The following PRRC2B variants were observed in gnomAD, a reference collection of about 807,000 sequenced individuals.
PRRC2B encodes proline rich coiled-coil 2B.
In PRRC2B, 68 loss-of-function variants were observed where a neutral mutation model predicts 242.3. The ratio of observed to expected loss-of-function variants is 0.28; its 90% CI spans 0.23 to 0.34. The LOEUF (loss-of-function observed/expected upper bound fraction) is 0.34. PRRC2B is among the 10% of genes least tolerant of loss of function. PRRC2B has a pLI of 1.00. For synonymous variants in PRRC2B, 1,228 were observed against 1,173.6 expected, an observed-to-expected ratio of 1.05 and a Z score of -0.95; for missense variants, 2,835 against 2,954.8, an observed-to-expected ratio of 0.96 and a Z score of 0.94.
In PRRC2B at chr9:131,446,087, A is replaced by C. The variant is rs774516552; in HGVS notation, c.614-314A>C. ...GGAATGACCCAAGGCTGGTTTCATC[A>C]GGGCCATCTTCATCTCTCTGGGTTG... On this transcript the variant is annotated intron_variant, in intron 6 of 31. Coordinates refer to ENST00000683519, the MANE Select transcript of PRRC2B (RefSeq NM_013318.4). This position sits in a 1 kb window ranked among gnomAD's most constrained non-coding sequence, Gnocchi z 4.1. 8.5e-5 allele frequency among the ~76,000 whole-genome samples: 13 copies of C among 152,200 alleles called. No homozygotes were observed. The highest frequency in any genetic ancestry group is 1.6e-4 in the Non-Finnish European group (11 of 68,014).
intron 1 of PRRC2B, among the ~76,000 whole-genome samples, chr9:131,409,640 T>C (rs932696685): frequency 6.6e-6 from 1 of 152,250 alleles, no homozygotes; most frequent in African/African-American, 2.4e-5. Flanking sequence ...GTGGCTCTTT[T>C]CCTGGTGCCA....
chr9:131,429,261 T>TTGAGTGAG (rs36119236), intron 1 of PRRC2B, among the ~76,000 whole-genome samples: 2,673 of 151,864 alleles, frequency 0.018, 33 homozygotes, highest in African/African-American at 0.019. Context: ...GCTTAGTATT[T>TTGAGTGAG]TGAGTGAGTG....
At chr9:131,400,502 G>C (rs1837200031) in intron 1 of PRRC2B, among the ~76,000 whole-genome samples, 1 of 152,000 alleles carries the variant, frequency 6.6e-6, no homozygotes, top group East Asian at 1.9e-4. Context: ...ATTTTTAGTA[G>C]AGACGGGGTT....
Position 131,485,985 on chromosome 9 carries a change from C to T in PRRC2B, c.5759-100C>T, listed in dbSNP as rs573868010. 1.1e-5 allele frequency: 9 copies of T among 847,322 alleles called. No homozygotes were observed. The South Asian group carries it at 1.3e-4, about 12-fold the overall frequency. 52.5% of individuals were successfully genotyped at this position (847,322 alleles called of 1,614,324 possible). A position where few individuals can be genotyped will look rare whatever the true frequency, so the allele number is the denominator to read the frequency against. On this transcript the variant is annotated intron_variant, in intron 25 of 31. Transcript: ENST00000683519. ...ACACACGCCCTCGTCCCCACTGAGTCCCCTGGGTAGAGCAGACCTGTAGAC... is the reference window on the plus strand; with the variant it reads ...ACACACGCCCTCGTCCCCACTGAGTTCCCTGGGTAGAGCAGACCTGTAGAC...
At chr9:131,422,202 G>A (rs928688425) in intron 1 of PRRC2B, among the ~76,000 whole-genome samples, 1 of 151,964 alleles carries the variant, frequency 6.6e-6, no homozygotes, top group South Asian at 2.1e-4. Context: ...TTACAGGCGC[G>A]CGCCACCATG....
At chr9:131,464,102 C>T (rs1943323453) in intron 11 of PRRC2B, among the ~76,000 whole-genome samples, 1 of 151,970 alleles carries the variant, frequency 6.6e-6, no homozygotes, top group African/African-American at 2.4e-5. Flanking sequence ...CCGCCATGCC[C>T]AGCTAATTTT....
At chr9:131,375,084 C>A (rs1272047604) in intron 1 of PRRC2B, among the ~76,000 whole-genome samples, 2 of 152,182 alleles carry the variant, frequency 1.3e-5, no homozygotes, top group Non-Finnish European at 2.9e-5. Context: ...CACATAACTT[C>A]TCTGTGCAAT....
chr9:131,471,699 T>G (rs1342160436), intron 14 of PRRC2B, among the ~76,000 whole-genome samples: 1 of 152,236 alleles, frequency 6.6e-6, no homozygotes, highest in Non-Finnish European at 1.5e-5. Flanking sequence ...AGGCTGAGTT[T>G]TGTTTAATGG....
chr9:131,490,176 C>T (rs979978186), intron 28 of PRRC2B, among the ~76,000 whole-genome samples: 1 of 151,850 alleles, frequency 6.6e-6, no homozygotes, highest in African/African-American at 2.4e-5. Flanking sequence ...CGATTTTCCT[C>T]CCGGTCCTTC....
At chr9:131,463,201 G>T (rs925654071) in intron 11 of PRRC2B, among the ~76,000 whole-genome samples, 2 of 152,156 alleles carry the variant, frequency 1.3e-5, no homozygotes, top group Non-Finnish European at 2.9e-5. Context: ...TATATAAAAT[G>T]TACCTTCATG....
At chr9:131,425,683 G>A (rs890025757) in intron 1 of PRRC2B, among the ~76,000 whole-genome samples, 5 of 150,652 alleles carry the variant, frequency 3.3e-5, no homozygotes, top group Admixed American at 6.6e-5. Context: ...TAGAGATGGG[G>A]TTTCACCGTG....
At chr9:131,462,067 T>C (rs1943256844) in intron 11 of PRRC2B, among the ~76,000 whole-genome samples, 1 of 152,160 alleles carries the variant, frequency 6.6e-6, no homozygotes, top group Non-Finnish European at 1.5e-5. Context: ...TTTTTCCTTT[T>C]CACCAGTCAA....
chr9:131,375,061 A>T (rs2131260063), intron 1 of PRRC2B, among the ~76,000 whole-genome samples: 1 of 152,276 alleles, frequency 6.6e-6, no homozygotes, highest in Admixed American at 6.5e-5. Context: ...ACATGTGCTG[A>T]GTGACTTCAA....
chr9:131,414,133 G>T (rs1452399022), intron 1 of PRRC2B, among the ~76,000 whole-genome samples: 1 of 152,084 alleles, frequency 6.6e-6, no homozygotes, highest in African/African-American at 2.4e-5. Flanking sequence ...CACATCAGTA[G>T]TCACTTAATT....
chr9:131,391,009 A>T (rs1156832256), upstream of PRRC2B, among the ~76,000 whole-genome samples: 1 of 147,974 alleles, frequency 6.8e-6, no homozygotes, highest in Admixed American at 6.7e-5. Flanking sequence ...CTGGTCTCGA[A>T]CGCCTGACCA....
Position 131,451,409 on chromosome 9 carries a change from G to T in PRRC2B, c.1120+3605G>T, listed in dbSNP as rs757492027. On this transcript the variant is annotated intron_variant, in intron 9 of 31. Coordinates refer to ENST00000683519, the MANE Select transcript of PRRC2B (RefSeq NM_013318.4). ...GCGAGACTCCATCTCAAAAAAAAAAGAAAATACAGTTGATTTTTTTGTGTT... is the reference window on the plus strand; with the variant it reads ...GCGAGACTCCATCTCAAAAAAAAAATAAAATACAGTTGATTTTTTTGTGTT... 8.9e-4 allele frequency among the ~76,000 whole-genome samples: 133 copies of T among 150,096 alleles called. 1 individual carries two copies. The highest frequency in any genetic ancestry group is 3.4e-3 in the Middle Eastern group (1 of 294).
intron 11 of PRRC2B, among the ~76,000 whole-genome samples, chr9:131,462,281 C>G (rs910601110): frequency 2.0e-5 from 3 of 152,058 alleles, no homozygotes; most frequent in African/African-American, 7.2e-5. Flanking sequence ...GGTGTGCTCT[C>G]GGCTCACTGC....
intron 13 of PRRC2B, among the ~76,000 whole-genome samples, chr9:131,469,109 A>G (rs1198335236): frequency 6.6e-6 from 1 of 152,068 alleles, no homozygotes; most frequent in Non-Finnish European, 1.5e-5. Context: ...GGAGGCAGAC[A>G]GATCACCTGA....
intron 1 of PRRC2B, among the ~76,000 whole-genome samples, chr9:131,414,886 G>T (rs1478345468): frequency 6.6e-6 from 1 of 151,804 alleles, no homozygotes; most frequent in Non-Finnish European, 1.5e-5. Context: ...TCGGGCTTCT[G>T]TTGGTCGTCA....
Sources: allele counts gnomAD v4.1 joint callset (sites outside exome capture counted in the v4.1 genomes callset), GRCh38; gene constraint gnomAD v4.1.1; non-coding constraint Gnocchi (gnomAD v3.1); transcripts MANE v1.5; gene names NCBI Gene and HGNC (gene_info 2026-07-23, HGNC 2026-07-21).